The following MACROD2 variants were observed in gnomAD, a reference collection of about 807,000 sequenced individuals.
MACROD2 encodes ADP-ribose glycohydrolase MACROD2.
MACROD2 carries 36 observed loss-of-function variants against 70.4 expected under a neutral mutation model. The observed-to-expected ratio is 0.51, with a 90% CI of 0.39 to 0.68. The LOEUF is 0.68. Among genes scored for constraint, MACROD2 ranks in the 30% least tolerant of loss-of-function variants. The pLI is 0.00. For missense variants in MACROD2, 496 were observed against 538.4 expected (o/e 0.92, Z 0.78); for synonymous variants, 172 against 178.8 (o/e 0.96, Z 0.30).
At chr20:15,331,734 T>C (rs964117584) in intron 6 of MACROD2, among the ~76,000 whole-genome samples, 16 of 151,580 alleles carry the variant, frequency 1.1e-4, no homozygotes, top group Non-Finnish European at 2.1e-4. Flanking sequence ...GCTTTATGAA[T>C]ACCTTTTCTT....
intron 3 of MACROD2, among the ~76,000 whole-genome samples, chr20:14,237,793 G>C (rs966730246): frequency 4.0e-5 from 6 of 151,356 alleles, no homozygotes; most frequent in African/African-American, 1.5e-4. Flanking sequence ...AACGTGCGGT[G>C]TTTGGTTTTT....
chr20:14,010,717 T>C (rs2052890360), intron 2 of MACROD2, among the ~76,000 whole-genome samples: 1 of 151,980 alleles, frequency 6.6e-6, no homozygotes, highest in African/African-American at 2.4e-5. Context: ...CAAGTTTTCT[T>C]CTGTTAATTC....
intron 5 of MACROD2, among the ~76,000 whole-genome samples, chr20:15,189,669 A>T (rs1355068719): frequency 6.6e-6 from 1 of 152,220 alleles, no homozygotes; most frequent in Non-Finnish European, 1.5e-5. Flanking sequence ...GGTGAAGGAA[A>T]ATATATAAAG....
At chr20:15,700,560 T>C (rs541437976) in intron 8 of MACROD2, among the ~76,000 whole-genome samples, 6 of 152,360 alleles carry the variant, frequency 3.9e-5, no homozygotes, top group South Asian at 2.1e-4. Flanking sequence ...CGTAAGATTA[T>C]ATGTGAGGCA....
chr20:16,016,628 C>T (rs6110874), intron 15 of MACROD2, among the ~76,000 whole-genome samples: 40,717 of 152,118 alleles, frequency 0.27, 6,034 homozygotes, highest in South Asian at 0.36. Context: ...CTCTGCCTCC[C>T]GGGTTCAAGC....
intron 8 of MACROD2, among the ~76,000 whole-genome samples, chr20:15,605,647 T>A (rs1181696757): frequency 6.6e-6 from 1 of 152,200 alleles, no homozygotes; most frequent in Non-Finnish European, 1.5e-5. Context: ...ATAACATGTA[T>A]AAGTTTGAAA....
intron 4 of MACROD2, chr20:14,622,882 G>C (rs1983908083): frequency 6.6e-6 from 1 of 152,106 alleles, no homozygotes; most frequent in Admixed American, 6.6e-5. Context: ...AGATGCTCTG[G>C]TGGGTACCCA....
chr20:14,845,609 G>C (rs971581323), intron 5 of MACROD2, among the ~76,000 whole-genome samples: 1 of 152,050 alleles, frequency 6.6e-6, no homozygotes, highest in South Asian at 2.1e-4. Context: ...CTTCAAAGGA[G>C]AGCAGAATGC....
chr20:15,361,884 A>AT (rs1207776842), intron 6 of MACROD2, among the ~76,000 whole-genome samples: 6 of 151,958 alleles, frequency 3.9e-5, no homozygotes, highest in African/African-American at 1.2e-4. Flanking sequence ...AATAAAATTG[A>AT]TTTTTTTGTT....
rs375336833 is a variant in MACROD2, at chr20:15,741,282, G to A, written c.646-121463G>A. Among the ~76,000 whole-genome samples the A allele has an allele frequency of 7.3e-4, 107 of 146,836 alleles. 1 individual carries two copies. The East Asian group carries it at 0.02, about 28-fold the overall frequency. ...AATTTTTTTTTTTTTTTGTATTTTA[G>A]TAGAAACGGGGTTTCACCATGTTGA... On this transcript the variant is annotated intron_variant, in intron 8 of 17. Transcript: ENST00000684519.
chr20:14,327,453 G>A, intron 3 of MACROD2: 1 of 1,613,428 alleles, frequency 6.2e-7, no homozygotes, highest in South Asian at 1.1e-5. Flanking sequence ...CTACTTGAAG[G>A]AACAGCCCAA....
intron 6 of MACROD2, among the ~76,000 whole-genome samples, chr20:15,354,199 A>G (rs1464394085): frequency 6.6e-6 from 1 of 152,054 alleles, no homozygotes; most frequent in Non-Finnish European, 1.5e-5. Flanking sequence ...TGTCCTTTGT[A>G]GGGACGTGGA....
At chr20:15,323,335 T>C (rs1291453720) in intron 6 of MACROD2, among the ~76,000 whole-genome samples, 2 of 152,142 alleles carry the variant, frequency 1.3e-5, no homozygotes, top group Non-Finnish European at 1.5e-5. Flanking sequence ...TAAAAACATA[T>C]GATATTCAAC....
At chr20:16,013,269 T>C (rs2066887370) in intron 15 of MACROD2, among the ~76,000 whole-genome samples, 1 of 152,178 alleles carries the variant, frequency 6.6e-6, no homozygotes, top group Non-Finnish European at 1.5e-5. Flanking sequence ...CATTGGTTAT[T>C]GCAAGAGTCA....
chr20:14,918,096 C>G (rs759794790), intron 5 of MACROD2, among the ~76,000 whole-genome samples: 22 of 152,048 alleles, frequency 1.4e-4, no homozygotes, highest in Non-Finnish European at 2.8e-4. Flanking sequence ...ATCTCAGCCT[C>G]ACGAGTAGGT....
intron 3 of MACROD2, among the ~76,000 whole-genome samples, chr20:14,214,022 TG>T: frequency 6.6e-6 from 1 of 152,140 alleles, no homozygotes; most frequent in Non-Finnish European, 1.5e-5. Flanking sequence ...TATCTTAAGA[TG>T]GTTTTGGCTT....
intron 5 of MACROD2, among the ~76,000 whole-genome samples, chr20:15,083,347 T>A (rs986879563): frequency 1.3e-5 from 2 of 152,156 alleles, no homozygotes; most frequent in Non-Finnish European, 2.9e-5. Context: ...TTTTCTTCTT[T>A]CACTAAAACC....
At chr20:15,349,755 C>CAAAA (rs397864871) in intron 6 of MACROD2, among the ~76,000 whole-genome samples, 42,395 of 123,668 alleles carry the variant, frequency 0.34, 7,083 homozygotes, top group Middle Eastern at 0.39. Flanking sequence ...AACTCAGTCT[C>CAAAA]AAAAAAAAAA....
At chr20:14,023,043 T>C (rs962130795) in intron 2 of MACROD2, among the ~76,000 whole-genome samples, 1 of 152,128 alleles carries the variant, frequency 6.6e-6, no homozygotes, top group African/African-American at 2.4e-5. Context: ...TCTTCCTATT[T>C]CTCCATGTCC....
Sources: gnomAD v4.1 joint callset for allele counts (sites outside exome capture counted in the v4.1 genomes callset) on GRCh38, gnomAD v4.1.1 for gene constraint, MANE v1.5 for transcripts, NCBI Gene and HGNC (gene_info 2026-07-23, HGNC 2026-07-21) for gene names.